The following SLC24A2 variants were observed in gnomAD, a reference collection of about 807,000 sequenced individuals.
The protein encoded by SLC24A2 is solute carrier family 24 member 2.
A neutral mutation model predicts 62.0 loss-of-function variants in SLC24A2; 36 were observed. That is an observed-to-expected ratio of 0.58 (90% CI 0.44 to 0.77). The LOEUF is 0.77. SLC24A2 is among the 30% of genes least tolerant of loss of function. SLC24A2 has a pLI of 0.00. For synonymous variants in SLC24A2, 358 were observed against 294.0 expected (o/e 1.22, Z -2.23); for missense variants, 846 against 817.9 (o/e 1.03, Z -0.42).
At chr9:19,954,770 C>G in the SLC24A2 span, among the ~76,000 whole-genome samples, 1 of 152,132 alleles carries the variant, frequency 6.6e-6, no homozygotes, top group African/African-American at 2.4e-5. Flanking sequence ...CTACATTCTT[C>G]TGAGAGGTGC....
chr9:20,300,652 C>T, the SLC24A2 span, among the ~76,000 whole-genome samples: 2 of 152,170 alleles, frequency 1.3e-5, no homozygotes, highest in Non-Finnish European at 2.9e-5. Flanking sequence ...TCCTTCAAAA[C>T]AAGCTCCTGT....
At chr9:19,948,128 G>C in the SLC24A2 span, among the ~76,000 whole-genome samples, 2 of 152,180 alleles carry the variant, frequency 1.3e-5, no homozygotes. Flanking sequence ...GGACTCTTAA[G>C]CCCTTTCTTA....
the SLC24A2 span, among the ~76,000 whole-genome samples, chr9:20,121,934 T>C: frequency 5.4e-4 from 82 of 152,288 alleles, no homozygotes; most frequent in African/African-American, 1.8e-3. Flanking sequence ...TATACACAAC[T>C]TCAAAGAATG....
chr9:20,240,052 A>G, the SLC24A2 span, among the ~76,000 whole-genome samples: 1 of 151,972 alleles, frequency 6.6e-6, no homozygotes, highest in Non-Finnish European at 1.5e-5. Context: ...GGTGAGAGAG[A>G]ACTTGATCCC....
At chr9:19,581,903 C>T (rs959405198) in intron 5 of SLC24A2, among the ~76,000 whole-genome samples, 19 of 152,144 alleles carry the variant, frequency 1.2e-4, no homozygotes, top group African/African-American at 4.6e-4. Flanking sequence ...AAAATATACT[C>T]TCTTGTGGTC....
chr9:20,073,923 T>G, the SLC24A2 span, among the ~76,000 whole-genome samples: 2 of 143,796 alleles, frequency 1.4e-5, no homozygotes, highest in South Asian at 2.1e-4. Context: ...TGGGGAGATA[T>G]ATATATATAT....
chr9:19,835,706 C>T, the SLC24A2 span, among the ~76,000 whole-genome samples: 1 of 152,226 alleles, frequency 6.6e-6, no homozygotes, highest in Admixed American at 6.5e-5. Context: ...TGATTCAACT[C>T]AGCTCTGCAA....
chr9:20,268,207 A>C, the SLC24A2 span, among the ~76,000 whole-genome samples: 1 of 152,292 alleles, frequency 6.6e-6, no homozygotes, highest in East Asian at 1.9e-4. Flanking sequence ...AGTACATTGA[A>C]AACTGACAAT....
intron 2 of SLC24A2, among the ~76,000 whole-genome samples, chr9:19,733,566 TG>T (rs1554708202): frequency 1.3e-5 from 2 of 152,210 alleles, no homozygotes; most frequent in Non-Finnish European, 2.9e-5. Flanking sequence ...TTTGCACAGG[TG>T]TTCAGGAAGC....
rs369278083 is a variant in SLC24A2 at position 19,563,679 on chromosome 9, G to A, written c.1347+9672C>T. Among the ~76,000 whole-genome samples, 388 of 152,118 alleles carry A rather than the reference G, an allele frequency of 2.6e-3. 3 individuals are homozygous for A. Among genetic ancestry groups the A allele is most frequent in the African/African-American group, 9.1e-3 (379 of 41,510 alleles). The stretch of plus-strand genomic sequence containing the variant: ...TAACAAAACTTCTGATTTTTATAAT[G>A]ACCTTCCTCCCTCCCTCCCTTACTT... On this transcript the variant is annotated intron_variant, in intron 7 of 10. Transcript: ENST00000341998.
chr9:19,517,910 AACACACAC>A (rs56840950), intron 10 of SLC24A2, among the ~76,000 whole-genome samples: 3,051 of 131,672 alleles, frequency 0.023, 54 homozygotes, highest in Admixed American at 0.055. Context: ...TTCTTATTAA[AACACACAC>A]ACACACACAC....
chr9:20,215,418 G>A, the SLC24A2 span, among the ~76,000 whole-genome samples: 1 of 151,988 alleles, frequency 6.6e-6, no homozygotes, highest in Non-Finnish European at 1.5e-5. Flanking sequence ...TGGGTAGAAT[G>A]AGAAGACTCA....
the SLC24A2 span, among the ~76,000 whole-genome samples, chr9:19,829,795 GTGTA>G: frequency 1.1e-4 from 4 of 36,130 alleles, no homozygotes; most frequent in South Asian, 9.2e-4. Context: ...GTGTGTGTGT[GTGTA>G]TATATATATA....
the SLC24A2 span, among the ~76,000 whole-genome samples, chr9:20,069,873 T>C: frequency 6.1e-3 from 926 of 152,326 alleles, 10 homozygotes; most frequent in Admixed American, 0.032. Flanking sequence ...TTCATGTCCC[T>C]TCTATTCACC....
At chr9:19,832,266 C>G in the SLC24A2 span, among the ~76,000 whole-genome samples, 3 of 152,206 alleles carry the variant, frequency 2.0e-5, no homozygotes, top group Non-Finnish European at 4.4e-5. Flanking sequence ...TAATATATGT[C>G]TTCAAAGTAA....
the SLC24A2 span, among the ~76,000 whole-genome samples, chr9:19,918,266 T>C: frequency 1.1e-4 from 17 of 152,128 alleles, no homozygotes; most frequent in African/African-American, 4.1e-4. Flanking sequence ...TTTAAGTTGG[T>C]GCTGAATTTT....
At chr9:20,228,587 G>C in the SLC24A2 span, among the ~76,000 whole-genome samples, 3 of 152,244 alleles carry the variant, frequency 2.0e-5, no homozygotes, top group East Asian at 3.9e-4. Context: ...ATTGGAGTGA[G>C]TTTCTTCAGA....
intron 2 of SLC24A2, among the ~76,000 whole-genome samples, chr9:19,694,010 AT>A (rs1820115889): frequency 1.3e-5 from 2 of 151,998 alleles, no homozygotes; most frequent in African/African-American, 2.4e-5. Flanking sequence ...TCAAATTATA[AT>A]TTTCAAATTC....
chr9:20,083,249 G>T, the SLC24A2 span, among the ~76,000 whole-genome samples: 1 of 152,198 alleles, frequency 6.6e-6, no homozygotes, highest in African/African-American at 2.4e-5. Flanking sequence ...TCTCAGCCTA[G>T]CTACTTGCTC....
Sources: allele counts gnomAD v4.1 joint callset (sites outside exome capture counted in the v4.1 genomes callset), GRCh38; gene constraint gnomAD v4.1.1; transcripts MANE v1.5; gene names NCBI Gene and HGNC (gene_info 2026-07-23, HGNC 2026-07-21).